GPC6: variants seen among roughly 807,000 people sequenced by gnomAD.
The protein encoded by GPC6 is glypican 6, also known as glypican-6.
GPC6 carries 14 observed loss-of-function variants against 55.2 expected under a neutral mutation model. That is an observed-to-expected ratio of 0.25 (90% CI 0.17 to 0.40). The LOEUF is 0.40. GPC6 is among the 10% of genes least tolerant of loss of function. GPC6 has a pLI of 1.00. For synonymous variants in GPC6, 278 were observed against 259.6 expected (o/e 1.07, Z -0.68); for missense variants, 641 against 708.5 (o/e 0.90, Z 1.08).
intron 3 of GPC6, among the ~76,000 whole-genome samples, chr13:93,981,575 G>C (rs1880804543): frequency 6.6e-6 from 1 of 152,096 alleles, no homozygotes; most frequent in African/African-American, 2.4e-5. Flanking sequence ...ATAATTTTCT[G>C]GTGCTGAAAC....
intron 2 of GPC6, among the ~76,000 whole-genome samples, chr13:93,678,889 G>GA (rs1881745691): frequency 6.6e-6 from 1 of 152,224 alleles, no homozygotes; most frequent in South Asian, 2.1e-4. Context: ...TTTGTCTGCA[G>GA]AAAAAGAAGG....
chr13:93,903,396 T>C (rs1876468999), intron 3 of GPC6, among the ~76,000 whole-genome samples: 1 of 152,228 alleles, frequency 6.6e-6, no homozygotes, highest in East Asian at 1.9e-4. Context: ...AAACTTTATT[T>C]CCTCATATTC....
At chr13:94,308,594 A>T (rs1448229283) in intron 6 of GPC6, among the ~76,000 whole-genome samples, 1 of 152,250 alleles carries the variant, frequency 6.6e-6, no homozygotes, top group Non-Finnish European at 1.5e-5. Flanking sequence ...ATTCTAAAAC[A>T]TTCTCAGACA....
At chr13:93,540,577 C>T (rs1882254322) in intron 1 of GPC6, among the ~76,000 whole-genome samples, 1 of 151,820 alleles carries the variant, frequency 6.6e-6, no homozygotes, top group Admixed American at 6.6e-5. Flanking sequence ...TACAATTATA[C>T]ATATTTATGG....
At chr13:93,715,733 C>T (rs139571446) in intron 2 of GPC6, among the ~76,000 whole-genome samples, 272 of 151,720 alleles carry the variant, frequency 1.8e-3, no homozygotes, top group African/African-American at 5.1e-3. Flanking sequence ...TGTATTTTCT[C>T]ATGTGCAAAA....
At chr13:93,917,838 C>T in intron 3 of GPC6, among the ~76,000 whole-genome samples, 1 of 152,214 alleles carries the variant, frequency 6.6e-6, no homozygotes, top group East Asian at 1.9e-4. Flanking sequence ...GTGGCTCACG[C>T]CTGTAATCCC....
In GPC6 at chr13:94,019,444, C is replaced by T. The variant is rs565079818; in HGVS notation, c.712-8285C>T. Among the ~76,000 whole-genome samples, 30 of 152,230 alleles carry T rather than the reference C, an allele frequency of 2.0e-4. No homozygotes were observed. In the South Asian group the frequency reaches 6.2e-3, roughly 32 times the overall value. The stretch of plus-strand genomic sequence containing the variant: ...ATCAGATTGTCAGAAGCCAAGAAGT[C>T]GGAACTCAGGTTGTCAGGTGGTTCT... On this transcript the variant is annotated intron_variant, in intron 3 of 8. Transcript: ENST00000377047.
intron 4 of GPC6, among the ~76,000 whole-genome samples, chr13:94,131,912 T>C (rs997212163): frequency 2.0e-5 from 3 of 152,138 alleles, no homozygotes; most frequent in African/African-American, 7.2e-5. Context: ...ATAAAGGATT[T>C]CATAGTCAAA....
intron 4 of GPC6, among the ~76,000 whole-genome samples, chr13:94,035,572 A>C (rs1467780646): frequency 2.0e-5 from 3 of 152,080 alleles, no homozygotes; most frequent in African/African-American, 7.2e-5. Flanking sequence ...CGTGGTGACC[A>C]ATATAATAGA....
chr13:94,288,816 T>TAAATATATATATTTGTTATATATAAC (rs1874710016), intron 5 of GPC6, among the ~76,000 whole-genome samples: 1 of 54,404 alleles, frequency 1.8e-5, no homozygotes, highest in Non-Finnish European at 3.0e-5. Flanking sequence ...TTATATATAA[T>TAAATATATATATTTGTTATATATAAC]AAATATATAT....
In GPC6 at chr13:93,227,585, C is replaced by G; in HGVS notation, c.129C>G (p.Ser43Arg). The part of the protein sequence containing the change: ...VRQAYGAKGF[S>R]LADIPYQEIA... Reference sequence around the variant, plus strand: ...AGGCGTACGGTGCCAAGGGATTCAGCCTGGCGGACATCCCCTACCAGGAGA... The same window carrying G: ...AGGCGTACGGTGCCAAGGGATTCAGGCTGGCGGACATCCCCTACCAGGAGA... Residue 43 changes from serine to arginine, a missense_variant, in exon 1 of 9, where the codon AGC (serine) becomes AGG (arginine). Ser to Arg is a moderately radical substitution (Grantham distance 110). Transcript: ENST00000377047. The surrounding 1 kb of genome is among the most constrained non-coding windows in gnomAD (Gnocchi z 4.3). 2.5e-6 allele frequency: 4 copies of G among 1,610,020 alleles called. No individual in the cohort carries two copies. The highest frequency in any genetic ancestry group is 1.3e-5 in the African/African-American group (1 of 75,026).
Position 93,981,202 on chromosome 13 carries a change from A to G in GPC6, c.712-46527A>G, listed in dbSNP as rs140956630. On this transcript the variant is annotated intron_variant, in intron 3 of 8. Transcript: ENST00000377047. ...GATTTCAGAGCAAAACTTCTGCTCT[A>G]TTATAGAACATGTAGCTATTTCTGA... Among the ~76,000 whole-genome samples, 287 of 152,280 alleles carry G rather than the reference A, an allele frequency of 1.9e-3. 2 individuals carry two copies. The highest frequency in any genetic ancestry group is 5.4e-4 in the Non-Finnish European group (37 of 68,016).
At chr13:94,310,324 A>G (rs983676116) in intron 6 of GPC6, among the ~76,000 whole-genome samples, 1 of 152,294 alleles carries the variant, frequency 6.6e-6, no homozygotes, top group Admixed American at 6.5e-5. Context: ...CAAGTTGGTG[A>G]TGACTTAGAG....
Position 93,263,788 on chromosome 13 carries a change from C to T in GPC6, c.160+36172C>T, listed in dbSNP as rs1476426554. On this transcript the variant is annotated intron_variant, in intron 1 of 8. Coordinates refer to ENST00000377047, the MANE Select transcript of GPC6 (RefSeq NM_005708.5). ...CCACACTATAGTTAATGTCCTTACA[C>T]GTGCATATTTTCATGAAAGTGGGAA... is the stretch of plus-strand genomic sequence containing the variant. 2.0e-5 allele frequency among the ~76,000 whole-genome samples: 3 copies of T among 152,162 alleles called. No individual in the cohort carries two copies. In the East Asian group the frequency reaches 5.8e-4, roughly 29 times the overall value.
chr13:93,825,584 C>T (rs1310232087), intron 2 of GPC6, among the ~76,000 whole-genome samples: 1 of 152,188 alleles, frequency 6.6e-6, no homozygotes, highest in Non-Finnish European at 1.5e-5. Flanking sequence ...ATAAATGGCA[C>T]TGTGGGTCTC....
intron 1 of GPC6, among the ~76,000 whole-genome samples, chr13:93,515,407 T>C (rs1231055389): frequency 6.6e-6 from 1 of 152,228 alleles, no homozygotes; most frequent in Non-Finnish European, 1.5e-5. Flanking sequence ...ATGCATGCTA[T>C]GTAGGGATAA....
chr13:93,833,634 A>G (rs1467949762), intron 3 of GPC6, among the ~76,000 whole-genome samples: 2 of 152,068 alleles, frequency 1.3e-5, no homozygotes, highest in Non-Finnish European at 2.9e-5. Flanking sequence ...GAAAGACATC[A>G]TGAATATCTT....
At chr13:93,290,090 G>A (rs1383581033) in intron 1 of GPC6, among the ~76,000 whole-genome samples, 1 of 152,076 alleles carries the variant, frequency 6.6e-6, no homozygotes, top group African/African-American at 2.4e-5. Context: ...ATGAAGCAAG[G>A]AGGTTAATGT....
chr13:93,871,536 G>A (rs1889132913), intron 3 of GPC6, among the ~76,000 whole-genome samples: 1 of 151,856 alleles, frequency 6.6e-6, no homozygotes, highest in Admixed American at 6.6e-5. Context: ...ACGTCGCACT[G>A]GGATTTCACA....
Sources: allele counts gnomAD v4.1 joint callset (sites outside exome capture counted in the v4.1 genomes callset), GRCh38; gene constraint gnomAD v4.1.1; non-coding constraint Gnocchi (gnomAD v3.1); transcripts MANE v1.5; gene names NCBI Gene and HGNC (gene_info 2026-07-23, HGNC 2026-07-21).